Variants in KCND3 observed in about 807,000 individuals in gnomAD.
KCND3 encodes the protein potassium voltage-gated channel subfamily D member 3.
A neutral mutation model predicts 51.1 loss-of-function variants in KCND3; 9 were observed. The ratio of observed to expected loss-of-function variants is 0.18; its 90% confidence interval spans 0.11 to 0.31. The LOEUF (loss-of-function observed/expected upper bound fraction) is 0.31. Among genes scored for constraint, KCND3 ranks in the 10% least tolerant of loss-of-function variants. KCND3 has a pLI of 1.00. For synonymous variants in KCND3, 349 were observed against 368.0 expected (o/e 0.95, Z 0.59); for missense variants, 526 against 903.8 (o/e 0.58, Z 5.36).
chr1:111,889,882 G>C (rs963954925), intron 2 of KCND3, among the ~76,000 whole-genome samples: 6 of 152,094 alleles, frequency 3.9e-5, no homozygotes, highest in Non-Finnish European at 7.4e-5. Context: ...ACATCTGAGG[G>C]GGACAGCCCT....
chr1:111,881,767 G>A (rs1669338246), intron 2 of KCND3, among the ~76,000 whole-genome samples: 1 of 152,182 alleles, frequency 6.6e-6, no homozygotes, highest in Non-Finnish European at 1.5e-5. Flanking sequence ...AGGCAGACTA[G>A]ATGTCTTTGC....
chr1:111,771,799 A>G lies in KCND3; in HGVS notation c.*4278T>C, dbSNP rs988729250. ...GTGTGATTGTAAACTAATGTGTTCAACTGTCACTGAGAATATCTATTGGTC... is the reference window on the plus strand; with the variant it reads ...GTGTGATTGTAAACTAATGTGTTCAGCTGTCACTGAGAATATCTATTGGTC... On this transcript the variant is annotated 3_prime_UTR_variant, in exon 8 of 8. Transcript: ENST00000302127. 1 of 152,218 alleles carries G rather than the reference A, an allele frequency of 6.6e-6. No individual in the cohort carries two copies. The highest frequency in any genetic ancestry group is 1.5e-5 in the Non-Finnish European group (1 of 68,040). The allele number at this position is 152,218 out of a possible 1,614,324, so 9.4% of individuals were successfully genotyped here.
chr1:111,972,935 T>C (rs1674423955), intron 2 of KCND3, among the ~76,000 whole-genome samples: 1 of 152,256 alleles, frequency 6.6e-6, no homozygotes, highest in African/African-American at 2.4e-5. Context: ...TAAGTATGCG[T>C]GTCCAGGAAG....
chr1:111,961,704 G>C (rs1240536440), intron 2 of KCND3, among the ~76,000 whole-genome samples: 4 of 152,336 alleles, frequency 2.6e-5, no homozygotes, highest in African/African-American at 9.6e-5. Flanking sequence ...AGGCCAGAGG[G>C]GGGGCATTTG....
intron 2 of KCND3, among the ~76,000 whole-genome samples, chr1:111,797,992 C>G (rs969450042): frequency 6.6e-6 from 1 of 152,210 alleles, no homozygotes; most frequent in African/African-American, 2.4e-5. Context: ...AAGGCCTGAG[C>G]CAAGGCAATG....
chr1:111,787,234 G>A, intron 2 of KCND3, 128 bp from the exon 3 acceptor site: 2 of 985,090 alleles, frequency 2.0e-6, no homozygotes, highest in Non-Finnish European at 3.2e-6. Flanking sequence ...TATCTACTAT[G>A]TGCCAGGTAC....
intron 2 of KCND3, among the ~76,000 whole-genome samples, chr1:111,793,719 G>A (rs777587016): frequency 1.3e-5 from 2 of 152,178 alleles, no homozygotes; most frequent in African/African-American, 2.4e-5. Context: ...GAAGACTGAA[G>A]TAGGGGAGCT....
chr1:111,849,679 T>C lies in KCND3; in HGVS notation c.1107-62573A>G, dbSNP rs1163387660. On this transcript the variant is annotated intron_variant, in intron 2 of 7. Transcript: ENST00000302127. ...GAAGGGGCTGAAATCTGCATGGCTATATCTGTCGGGGTGGAGGGAAGCACC... is the reference window on the plus strand; with the variant it reads ...GAAGGGGCTGAAATCTGCATGGCTACATCTGTCGGGGTGGAGGGAAGCACC... Among the ~76,000 whole-genome samples the C allele has an allele frequency of 3.9e-5, 6 of 152,324 alleles. No individual in the cohort carries two copies. The East Asian group carries it at 5.8e-4, about 15-fold the overall frequency.
chr1:111,919,893 T>C (rs963017785), intron 2 of KCND3, among the ~76,000 whole-genome samples: 14 of 152,212 alleles, frequency 9.2e-5, no homozygotes, highest in Non-Finnish European at 7.3e-5. Flanking sequence ...AGCATGTGAA[T>C]GAATGACACT....
intron 2 of KCND3, among the ~76,000 whole-genome samples, chr1:111,940,851 C>T (rs778242472): frequency 6.6e-6 from 1 of 152,144 alleles, no homozygotes. Flanking sequence ...CTCCACCTTC[C>T]ACCCCACATA....
chr1:111,858,307 C>G (rs1317664580), intron 2 of KCND3, among the ~76,000 whole-genome samples: 3 of 152,176 alleles, frequency 2.0e-5, no homozygotes, highest in Non-Finnish European at 2.9e-5. Context: ...TTTGACGCTT[C>G]AAAGTGTCCA....
chr1:111,821,915 G>A (rs185966894), intron 2 of KCND3, among the ~76,000 whole-genome samples: 8 of 152,190 alleles, frequency 5.3e-5, no homozygotes, highest in Admixed American at 5.2e-4. Flanking sequence ...CTCCTGCAGT[G>A]TCTACCCTGT....
chr1:111,962,841 T>G (rs535643152), intron 2 of KCND3, among the ~76,000 whole-genome samples: 1 of 152,356 alleles, frequency 6.6e-6, no homozygotes, highest in Admixed American at 6.5e-5. Flanking sequence ...AATCTGGGTT[T>G]GGCCATGCAA....
intron 2 of KCND3, among the ~76,000 whole-genome samples, chr1:111,845,808 C>T (rs576716631): frequency 2.0e-5 from 3 of 152,286 alleles, no homozygotes; most frequent in Non-Finnish European, 2.9e-5. Flanking sequence ...ACCTAGTGAG[C>T]CTGGTGCTAG....
chr1:111,922,147 C>T (rs932078897), intron 2 of KCND3, among the ~76,000 whole-genome samples: 1 of 152,178 alleles, frequency 6.6e-6, no homozygotes, highest in Non-Finnish European at 1.5e-5. Context: ...AGAGGCGATG[C>T]CATTATGAAC....
chr1:111,842,381 A>AC (rs1040554119), intron 2 of KCND3, among the ~76,000 whole-genome samples: 9 of 151,982 alleles, frequency 5.9e-5, no homozygotes, highest in Non-Finnish European at 1.0e-4. Flanking sequence ...GGAAGGTGGG[A>AC]CCTCCCAAAA....
chr1:111,824,584 A>T (rs1450643841), intron 2 of KCND3, among the ~76,000 whole-genome samples: 2 of 152,206 alleles, frequency 1.3e-5, no homozygotes, highest in East Asian at 3.8e-4. Context: ...ACTGATGTTT[A>T]CTGTTTTTTG....
chr1:111,932,035 G>T (rs1016594848), intron 2 of KCND3, among the ~76,000 whole-genome samples: 1 of 152,188 alleles, frequency 6.6e-6, no homozygotes, highest in Non-Finnish European at 1.5e-5. Flanking sequence ...TTGGCTTGTG[G>T]CCCCTCTCCT....
intron 2 of KCND3, among the ~76,000 whole-genome samples, chr1:111,829,560 A>G (rs1322047665): frequency 6.6e-6 from 1 of 152,208 alleles, no homozygotes; most frequent in Non-Finnish European, 1.5e-5. Context: ...GATTTCAGAT[A>G]CGCTGACTTT....
Sources: gnomAD v4.1 joint callset for allele counts (sites outside exome capture counted in the v4.1 genomes callset) on GRCh38, gnomAD v4.1.1 for gene constraint, MANE v1.5 for transcripts, NCBI Gene and HGNC (gene_info 2026-07-23, HGNC 2026-07-21) for gene names.